The following PTPN21 variants were observed in gnomAD, a reference collection of about 807,000 sequenced individuals.
PTPN21 encodes the protein tyrosine-protein phosphatase non-receptor type 21.
Under a neutral mutation model 131.8 loss-of-function variants are expected in PTPN21, and 77 were observed. The observed-to-expected ratio is 0.58, with a 90% CI of 0.49 to 0.71. The LOEUF is 0.71. Ranked by LOEUF, PTPN21 falls within the 30% of genes least tolerant of loss-of-function variation. PTPN21 has a pLI of 0.00. For missense variants in PTPN21, 1,552 were observed against 1,527.1 expected, an observed-to-expected ratio of 1.02 and a Z score of -0.27; for synonymous variants, 715 against 621.3, an observed-to-expected ratio of 1.15 and a Z score of -2.24.
In PTPN21 at chr14:88,469,545, T is replaced by C. The variant is rs191058952; in HGVS notation, c.3189A>G (p.Thr1063=). ...QERTVWHLQY[T]DWPEHGCPED... ...CTGGACAGCCATGTTCAGGCCAGTCTGTGTATTGGAGGTGCCAGACGGTCC... is the reference window on the plus strand; with the variant it reads ...CTGGACAGCCATGTTCAGGCCAGTCCGTGTATTGGAGGTGCCAGACGGTCC... The change falls in exon 17 of 19, where the codon ACA becomes ACG. Residue 1063 remains threonine (T), a synonymous_variant. Coordinates refer to ENST00000556564, the MANE Select transcript of PTPN21 (RefSeq NM_007039.4). The surrounding 1 kb of genome is among the most constrained non-coding windows in gnomAD (Gnocchi z 4.3). 3.1e-6 allele frequency: 5 copies of C among 1,614,170 alleles called. No homozygotes were observed. The highest frequency in any genetic ancestry group is 4.2e-6 in the Non-Finnish European group (5 of 1,180,034).
In PTPN21 at chr14:88,550,533, C is replaced by G; in HGVS notation, c.-116G>C. On this transcript the variant is annotated 5_prime_UTR_variant, in exon 2 of 19. Coordinates refer to ENST00000556564, the MANE Select transcript of PTPN21 (RefSeq NM_007039.4). Reference sequence around the variant, plus strand: ...CCGGATGGGACGAACACTGTCCGGCCTCCAGCTGCTCACCCAGCAGCCGCT... The same window carrying G: ...CCGGATGGGACGAACACTGTCCGGCGTCCAGCTGCTCACCCAGCAGCCGCT... 1.0e-6 allele frequency: 1 copy of G among 997,310 alleles called. No homozygotes were observed. The highest frequency in any genetic ancestry group is 1.4e-6 in the Non-Finnish European group (1 of 692,934). 61.8% of individuals were successfully genotyped at this position (997,310 alleles called of 1,614,324 possible).
At chr14:88,549,755 CGCCCA>C (rs1358760536) in intron 2 of PTPN21, among the ~76,000 whole-genome samples, 1 of 151,578 alleles carries the variant, frequency 6.6e-6, no homozygotes, top group East Asian at 1.9e-4. Context: ...CCCACCACCA[CGCCCA>C]GCCAATTTTT....
At chr14:88,550,184 G>A (rs967673930) in intron 2 of PTPN21, 54 bp downstream of exon 2, 15 of 1,548,058 alleles carry the variant, frequency 9.7e-6, no homozygotes, top group Non-Finnish European at 1.2e-5. Flanking sequence ...AAAGTGCTGG[G>A]ATTACAGGCT....
chr14:88,466,904 C>T lies in PTPN21; in HGVS notation c.*1233G>A, dbSNP rs567233757. On this transcript the variant is annotated 3_prime_UTR_variant, in exon 19 of 19. Transcript: ENST00000556564. ...CTTCCTTCAACCAAAAGGAAAAATA[C>T]GCCTCTTTAAGGCTTCTTTTAATGA... 2 of 152,268 alleles carry T rather than the reference C, an allele frequency of 1.3e-5. No individual in the cohort carries two copies. The highest frequency in any genetic ancestry group is 4.2e-4 in the South Asian group (2 of 4,812). 9.4% of individuals were successfully genotyped at this position (152,268 alleles called of 1,614,324 possible). A position where few individuals can be genotyped will look rare whatever the true frequency, so the allele number is the denominator to read the frequency against.
chr14:88,530,582 G>A (rs538444776), intron 2 of PTPN21, among the ~76,000 whole-genome samples: 1 of 149,046 alleles, frequency 6.7e-6, no homozygotes, highest in East Asian at 1.9e-4. Context: ...TAAGGTAAAG[G>A]AGTGGAAAAA....
At chr14:88,511,236 G>A (rs61984675) in intron 3 of PTPN21, among the ~76,000 whole-genome samples, 52,554 of 151,662 alleles carry the variant, frequency 0.35, 9,660 homozygotes, top group African/African-American at 0.48. Flanking sequence ...TTTTCTTAAA[G>A]AAGTATTTAC....
intron 2 of PTPN21, among the ~76,000 whole-genome samples, chr14:88,526,184 G>A (rs2078471826): frequency 1.3e-5 from 2 of 152,050 alleles, no homozygotes; most frequent in Admixed American, 1.3e-4. Flanking sequence ...TTTCCTTTGG[G>A]GGTGATGAAA....
intron 2 of PTPN21, among the ~76,000 whole-genome samples, chr14:88,543,048 A>C (rs1036875227): frequency 2.6e-5 from 4 of 152,240 alleles, no homozygotes; most frequent in Non-Finnish European, 5.9e-5. Flanking sequence ...ACAAGGAAAT[A>C]AGCATGAAAT....
intron 12 of PTPN21, among the ~76,000 whole-genome samples, chr14:88,481,984 G>A (rs1270041151): frequency 6.6e-6 from 1 of 152,236 alleles, no homozygotes; most frequent in African/African-American, 2.4e-5. Context: ...TCCAGCTCAA[G>A]CCCCTACGGC....
At position 88,485,153 on chromosome 14, in the gene PTPN21, G is replaced by C. The variant is rs369308133; in HGVS notation, c.1001C>G (p.Pro334Arg). The C allele has an allele frequency of 1.9e-6, 3 of 1,586,980 alleles. No individual in the cohort carries two copies. In the African/African-American group the frequency reaches 4.0e-5, roughly 21 times the overall value. ...RSSSRMSLPK[P>R]QPYVMPPPPQ... ...TGGGGGAGGCATCACGTAGGGCTGGGGTTTAGGCTAAGAAATGGAGAGTTT... is the reference window on the plus strand; with the variant it reads ...TGGGGGAGGCATCACGTAGGGCTGGCGTTTAGGCTAAGAAATGGAGAGTTT... The change falls in exon 12 of 19, where the codon CCC becomes CGC. Residue 334 changes from proline to arginine, a missense_variant. By Grantham distance (103) the Pro-to-Arg change is moderately radical. Transcript: ENST00000556564.
At chr14:88,538,603 A>G (rs760815268) in intron 2 of PTPN21, among the ~76,000 whole-genome samples, 4 of 152,206 alleles carry the variant, frequency 2.6e-5, no homozygotes, top group African/African-American at 4.8e-5. Context: ...ATGATAACAA[A>G]TATCTCCAGA....
rs1263367340 is a variant in PTPN21, at chr14:88,474,143, AAAAAAAAAAAAAC to A, written c.2512-354_2512-342del. ...ATCAGCTGAAGTCCAAAAAAAAAAAAAAAAAAAAAAAACAAAAGCTTTAAATGCAATCAATTGA... is the reference window on the plus strand; with the variant it reads ...ATCAGCTGAAGTCCAAAAAAAAAAAAAAAAGCTTTAAATGCAATCAATTGA... On this transcript the variant is annotated intron_variant, in intron 13 of 18. Transcript: ENST00000556564. 2.2e-3 allele frequency among the ~76,000 whole-genome samples: 312 copies of A among 141,040 alleles called. 1 individual carries two copies. The highest frequency in any genetic ancestry group is 8.7e-3 in the African/African-American group (285 of 32,918). 92.5% of individuals were successfully genotyped at this position (141,040 alleles called of 152,430 possible). A position where few individuals can be genotyped will look rare whatever the true frequency, so the allele number is the denominator to read the frequency against.
chr14:88,531,822 G>A (rs1440881119), intron 2 of PTPN21, among the ~76,000 whole-genome samples: 4 of 151,872 alleles, frequency 2.6e-5, no homozygotes, highest in Non-Finnish European at 4.4e-5. Context: ...ACAAAAAGCT[G>A]GTTCTTTGAA....
chr14:88,472,834 A>C (rs1285665649), intron 14 of PTPN21, among the ~76,000 whole-genome samples: 1 of 152,170 alleles, frequency 6.6e-6, no homozygotes, highest in East Asian at 1.9e-4. Context: ...AACCTATCTC[A>C]AAAAAACCAA....
rs747168268 is a variant in PTPN21 at position 88,550,248 on chromosome 14, T to G, written c.170A>C (p.Glu57Ala). Residue 57 changes from glutamate (E) to alanine (A), a missense_variant, in exon 2 of 19, where the codon GAG becomes GCG. This residue lies in a region of PTPN21 where 206 missense variants were observed against 221.6 expected (regional missense o/e 0.93). Transcript: ENST00000556564. The part of the protein sequence containing the change: ...ESLEAVAQRL[E>A]LREVTYFSLW... ...CTTTAGGTGGCTTACCTCCCGCAGCTCCAGCCTCTGGGCCACGGCCTCGAG... is the reference window on the plus strand; with the variant it reads ...CTTTAGGTGGCTTACCTCCCGCAGCGCCAGCCTCTGGGCCACGGCCTCGAG... 1.4e-5 allele frequency: 22 copies of G among 1,613,606 alleles called. No homozygotes were observed. The South Asian group carries it at 2.4e-4, about 18-fold the overall frequency.
At position 88,477,446 on chromosome 14, in the gene PTPN21, T is replaced by TCAAAAAAAAAAA. The variant is rs369022409; in HGVS notation, c.2511+1473_2511+1474insTTTTTTTTTTTG. On this transcript the variant is annotated intron_variant, in intron 13 of 18. Coordinates refer to ENST00000556564, the MANE Select transcript of PTPN21 (RefSeq NM_007039.4). ...CCTGGGCAACAGGGCAAGACTGTTC[T>TCAAAAAAAAAAA]AAAAAAAAAAAAAAAAAAAAAAAAG... Among the ~76,000 whole-genome samples the TCAAAAAAAAAAA allele has an allele frequency of 2.6e-4, 20 of 76,378 alleles. 2 individuals are homozygous for TCAAAAAAAAAAA. The highest frequency in any genetic ancestry group is 3.6e-4 in the Non-Finnish European group (15 of 41,794). The allele number at this position is 76,378 out of a possible 152,430, so 50.1% of individuals were successfully genotyped here.
Position 88,547,985 on chromosome 14 carries a change from C to T in PTPN21, c.180+2253G>A, listed in dbSNP as rs542973550. On this transcript the variant is annotated intron_variant, in intron 2 of 18. Transcript: ENST00000556564. The stretch of plus-strand genomic sequence containing the variant: ...AGTATTTCTAAAACTGAACTCACCA[C>T]ACGCTCCTCCTTGCCCCTAATAGAT... 6.6e-5 allele frequency among the ~76,000 whole-genome samples: 10 copies of T among 152,254 alleles called. No homozygotes were observed. In the South Asian group the frequency reaches 1.9e-3, roughly 28 times the overall value.
intron 10 of PTPN21, chr14:88,492,991 A>T (rs777447516): frequency 2.4e-6 from 1 of 421,090 alleles, no homozygotes; most frequent in South Asian, 1.7e-5. Flanking sequence ...TCAATATGAA[A>T]AAAGCAGGCA....
At chr14:88,468,797 T>C (rs1371668403) in intron 18 of PTPN21, 119 bp downstream of exon 18, 3 of 1,280,212 alleles carry the variant, frequency 2.3e-6, no homozygotes, top group Non-Finnish European at 3.3e-6. Flanking sequence ...ATTAGTAACA[T>C]CTTGAGGCCA....
Sources: allele counts gnomAD v4.1 joint callset (sites outside exome capture counted in the v4.1 genomes callset), GRCh38; gene constraint gnomAD v4.1.1; regional missense constraint gnomAD v4.1.1; non-coding constraint Gnocchi (gnomAD v3.1); transcripts MANE v1.5; gene names NCBI Gene and HGNC (gene_info 2026-07-23, HGNC 2026-07-21).